Variants in HHIPL1 observed in about 807,000 individuals in gnomAD.
HHIPL1 encodes HHIP-like protein 1.
HHIPL1 carries 43 observed loss-of-function variants against 61.8 expected under a neutral mutation model. The observed-to-expected ratio is 0.70, with a 90% confidence interval of 0.55 to 0.90. The LOEUF is 0.90. HHIPL1 is among the 40% of genes least tolerant of loss of function. The pLI, the probability that HHIPL1 is intolerant of heterozygous loss-of-function variation, is 0.00. For synonymous variants in HHIPL1, 482 were observed against 515.8 expected (o/e 0.93, Z 0.89); for missense variants, 1,056 against 1,157.7 (o/e 0.91, Z 1.28).
At chr14:99,605,374 G>A in the HHIPL1 span, among the ~76,000 whole-genome samples, 3 of 117,408 alleles carry the variant, frequency 2.6e-5, no homozygotes, top group Admixed American at 2.4e-4. Flanking sequence ...CCAGCAGGCG[G>A]GGCGGGGCGG....
At chr14:99,659,854 C>CCCCT in intron 4 of HHIPL1, 98 bp downstream of exon 4, 1 of 566,766 alleles carries the variant, frequency 1.8e-6, no homozygotes, top group Non-Finnish European at 2.6e-6. Context: ...GCACCCCCCC[C>CCCCT]CCCCCGGAGA....
intron 7 of HHIPL1, among the ~76,000 whole-genome samples, chr14:99,670,187 T>C (rs1220946279): frequency 6.6e-6 from 1 of 151,750 alleles, no homozygotes; most frequent in African/African-American, 2.4e-5. Flanking sequence ...TCTCAACTCA[T>C]TGCAACCTCT....
At chr14:99,615,344 CA>C in the HHIPL1 span, among the ~76,000 whole-genome samples, 1 of 152,058 alleles carries the variant, frequency 6.6e-6, no homozygotes, top group East Asian at 1.9e-4. Context: ...CCCAGGAGTT[CA>C]AGACCAGCCT....
the HHIPL1 span, among the ~76,000 whole-genome samples, chr14:99,626,059 G>A: frequency 3.3e-5 from 5 of 152,170 alleles, no homozygotes; most frequent in African/African-American, 1.2e-4. Context: ...GCAGCCAGAG[G>A]ATCGGGCGGC....
chr14:99,616,069 C>T, the HHIPL1 span, among the ~76,000 whole-genome samples: 1 of 152,334 alleles, frequency 6.6e-6, no homozygotes, highest in African/African-American at 2.4e-5. Context: ...CGTGCTGCTC[C>T]ATCACATTTT....
At chr14:99,665,365 C>T (rs1266426038) in intron 6 of HHIPL1, among the ~76,000 whole-genome samples, 1 of 152,162 alleles carries the variant, frequency 6.6e-6, no homozygotes, top group Admixed American at 6.5e-5. Flanking sequence ...GCGCATCAGT[C>T]CTTCCTTCTG....
intron 5 of HHIPL1, among the ~76,000 whole-genome samples, chr14:99,661,039 G>T (rs2056142849): frequency 6.6e-6 from 1 of 152,170 alleles, no homozygotes; most frequent in African/African-American, 2.4e-5. Flanking sequence ...GGAGGAGGAT[G>T]AATCACATCC....
chr14:99,645,543 G>A (rs896731978), intron 1 of HHIPL1, 81 bp downstream of exon 1: 2 of 1,217,614 alleles, frequency 1.6e-6, no homozygotes, highest in Non-Finnish European at 2.0e-6. Flanking sequence ...CCGCGGGGGC[G>A]AGGGCCAAGA....
chr14:99,607,586 C>T, the HHIPL1 span, among the ~76,000 whole-genome samples: 1 of 152,130 alleles, frequency 6.6e-6, no homozygotes, highest in South Asian at 2.1e-4. Context: ...CAAAATACTC[C>T]AAAACCTAGG....
At chr14:99,610,158 AACAAG>A in the HHIPL1 span, among the ~76,000 whole-genome samples, 29 of 152,220 alleles carry the variant, frequency 1.9e-4, no homozygotes, top group Non-Finnish European at 3.7e-4. Context: ...CGCCTGATGG[AACAAG>A]ACAAGAGGGA....
chr14:99,663,524 C>T (rs1436792476), intron 6 of HHIPL1, among the ~76,000 whole-genome samples: 2 of 152,142 alleles, frequency 1.3e-5, no homozygotes, highest in African/African-American at 4.8e-5. Flanking sequence ...TAGCCGGCTT[C>T]TTTACTGCAA....
At chr14:99,674,469 T>C (rs2056363109) in intron 8 of HHIPL1, among the ~76,000 whole-genome samples, 1 of 151,904 alleles carries the variant, frequency 6.6e-6, no homozygotes, top group Non-Finnish European at 1.5e-5. Context: ...CAACCAGAGT[T>C]CCCCCATCGT....
At chr14:99,615,877 T>C in the HHIPL1 span, among the ~76,000 whole-genome samples, 5 of 152,132 alleles carry the variant, frequency 3.3e-5, no homozygotes, top group Admixed American at 3.3e-4. Context: ...TAGGAGTGCT[T>C]GGCTGTTTGG....
chr14:99,626,067 G>A, the HHIPL1 span, among the ~76,000 whole-genome samples: 1 of 152,082 alleles, frequency 6.6e-6, no homozygotes, highest in Non-Finnish European at 1.5e-5. Context: ...AGGATCGGGC[G>A]GCCTGATGCT....
the HHIPL1 span, among the ~76,000 whole-genome samples, chr14:99,608,421 G>A: frequency 6.6e-6 from 1 of 152,282 alleles, no homozygotes; most frequent in South Asian, 2.1e-4. Context: ...TTAGCCCTTC[G>A]AGGATTGAAC....
chr14:99,612,272 A>G, the HHIPL1 span, among the ~76,000 whole-genome samples: 9 of 152,276 alleles, frequency 5.9e-5, no homozygotes, highest in African/African-American at 1.9e-4. Flanking sequence ...TGATTCAACT[A>G]TCTCCACCTG....
the HHIPL1 span, among the ~76,000 whole-genome samples, chr14:99,631,091 T>TCTTTCTTTCTTC: frequency 1.6e-4 from 23 of 146,166 alleles, no homozygotes; most frequent in Admixed American, 4.1e-4. Context: ...TTTCTTTCTT[T>TCTTTCTTTCTTC]CTTTCTTTCT....
Position 99,645,322 on chromosome 14 carries a change from T to A in HHIPL1, c.115T>A (p.Cys39Ser). ...CCGGCCGACGCAGCCGCTGCGCCTC[T>A]GCGCGCAGTACTCGGACTTCGGCTG... is the stretch of plus-strand genomic sequence containing the variant. ...PFRPTQPLRL[C>S]AQYSDFGCCD... The change falls in exon 1 of 9, where the codon TGC becomes AGC. Residue 39 changes from cysteine to serine, a missense_variant. Cys to Ser is a moderately radical substitution (Grantham distance 112, BLOSUM62 -1). Coordinates refer to ENST00000330710, the MANE Select transcript of HHIPL1 (RefSeq NM_001127258.3). The A allele has an allele frequency of 1.4e-6, 2 of 1,458,146 alleles. No homozygotes were observed. The highest frequency in any genetic ancestry group is 2.7e-5 in the South Asian group (2 of 75,294). 90.3% of individuals were successfully genotyped at this position (1,458,146 alleles called of 1,614,324 possible). A position where few individuals can be genotyped will look rare whatever the true frequency, so the allele number is the denominator to read the frequency against.
chr14:99,623,114 G>A, the HHIPL1 span, among the ~76,000 whole-genome samples: 3 of 152,228 alleles, frequency 2.0e-5, no homozygotes, highest in Admixed American at 2.0e-4. Context: ...GCAGAGCTGG[G>A]GAAGAGCACC....
Sources: gnomAD v4.1 joint callset for allele counts (sites outside exome capture counted in the v4.1 genomes callset) on GRCh38, gnomAD v4.1.1 for gene constraint, MANE v1.5 for transcripts, NCBI Gene and HGNC (gene_info 2026-07-23, HGNC 2026-07-21) for gene names.